The following SPATS2 variants were observed in gnomAD, a reference collection of about 807,000 sequenced individuals.
The protein encoded by SPATS2 is spermatogenesis associated serine rich 2.
In SPATS2, 38 loss-of-function variants were observed where a neutral mutation model predicts 63.7. The observed-to-expected ratio is 0.60, with a 90% CI of 0.46 to 0.78. The LOEUF is 0.78. Among genes scored for constraint, SPATS2 ranks in the 30% least tolerant of loss-of-function variants. The pLI, the probability that SPATS2 is intolerant of heterozygous loss-of-function variation, is 0.00. For synonymous variants in SPATS2, 207 were observed against 232.9 expected (o/e 0.89, Z 1.01); for missense variants, 588 against 666.2 (o/e 0.88, Z 1.29).
At chr12:49,515,614 T>A (rs1946824964) in intron 10 of SPATS2, among the ~76,000 whole-genome samples, 1 of 152,248 alleles carries the variant, frequency 6.6e-6, no homozygotes, top group Admixed American at 6.5e-5. Context: ...ATATTTTGAG[T>A]TTCTAAATTT....
Position 49,412,767 on chromosome 12 carries a change from C to G in SPATS2, c.-244+41477C>G, listed in dbSNP as rs1944820037. Among the ~76,000 whole-genome samples, 7 of 150,870 alleles carry G rather than the reference C, an allele frequency of 4.6e-5. No individual in the cohort carries two copies. The South Asian group carries it at 1.3e-3, about 27-fold the overall frequency. On this transcript the variant is annotated intron_variant, in intron 2 of 13. Transcript: ENST00000552918. Reference sequence around the variant, plus strand: ...CGCTCATTCTAAAAAAAAAAAAATTCAAATAGTGTTTGAAGTTAGATAATA... The same window carrying G: ...CGCTCATTCTAAAAAAAAAAAAATTGAAATAGTGTTTGAAGTTAGATAATA...
At chr12:49,516,166 A>T (rs868609884) in intron 10 of SPATS2, among the ~76,000 whole-genome samples, 4 of 30,824 alleles carry the variant, frequency 1.3e-4, no homozygotes, top group African/African-American at 4.4e-4. Flanking sequence ...AAAAAAAAAA[A>T]ATATATATAT....
At chr12:49,389,587 T>G (rs1944383693) in intron 2 of SPATS2, 7 of 1,056,910 alleles carry the variant, frequency 6.6e-6, no homozygotes, top group Non-Finnish European at 1.0e-5. Flanking sequence ...ATCACGACGA[T>G]GCAGCAGAAA....
intron 2 of SPATS2, among the ~76,000 whole-genome samples, chr12:49,381,916 T>A (rs1335257824): frequency 2.0e-5 from 3 of 152,196 alleles, no homozygotes; most frequent in Non-Finnish European, 4.4e-5. Context: ...TATATCGTGA[T>A]TTGGAGTGAG....
intron 4 of SPATS2, among the ~76,000 whole-genome samples, chr12:49,486,526 A>AT (rs1946297100): frequency 6.6e-6 from 1 of 152,134 alleles, no homozygotes; most frequent in Non-Finnish European, 1.5e-5. Context: ...CTAAACTTCC[A>AT]TTTTTTAGGG....
intron 2 of SPATS2, among the ~76,000 whole-genome samples, chr12:49,429,786 C>CTTT (rs113979672): frequency 2.4e-5 from 3 of 126,556 alleles, no homozygotes; most frequent in South Asian, 2.5e-4. Context: ...TCTTCTTCTT[C>CTTT]TTTTTTTTTT....
intron 10 of SPATS2, among the ~76,000 whole-genome samples, chr12:49,517,993 C>T (rs1165165455): frequency 1.3e-5 from 2 of 152,180 alleles, no homozygotes; most frequent in African/African-American, 4.8e-5. Context: ...ATGTTCACCA[C>T]CTCCTCAATA....
chr12:49,457,278 C>T (rs374646903), intron 2 of SPATS2, among the ~76,000 whole-genome samples: 2 of 152,024 alleles, frequency 1.3e-5, no homozygotes, highest in Admixed American at 1.3e-4. Flanking sequence ...GCTGCTATGT[C>T]ATTTTTATTT....
At chr12:49,380,756 T>C (rs1358172104) in intron 2 of SPATS2, among the ~76,000 whole-genome samples, 2 of 152,058 alleles carry the variant, frequency 1.3e-5, no homozygotes, top group Admixed American at 1.3e-4. Context: ...GTTGTGTCTT[T>C]TCCACCTTTG....
At position 49,449,247 on chromosome 12, in the gene SPATS2, G is replaced by A. The variant is rs575530264; in HGVS notation, c.-243-11523G>A. 2.8e-4 allele frequency among the ~76,000 whole-genome samples: 43 copies of A among 152,146 alleles called. No homozygotes were observed. In the East Asian group the frequency reaches 3.5e-3, roughly 12 times the overall value. ...TGTTTGTTTTCTGAGGCAGAGTCTC[G>A]CTCTGTCGCCCAAGCTGGAGTGCAG... On this transcript the variant is annotated intron_variant, in intron 2 of 13. Coordinates refer to ENST00000552918, the MANE Select transcript of SPATS2 (RefSeq NM_023071.4).
Position 49,500,087 on chromosome 12 carries a change from T to C in SPATS2, c.721T>C (p.Ser241Pro), listed in dbSNP as rs753435362. ...SKKLSSNIEK[S>P]VKDLQRCTVS... is the part of the protein sequence containing the mutation. ...TCCCCAAGGTTCCAATATTGAAAAA[T>C]CTGTAAAAGACCTCCAGCGCTGCAC... Residue 241 changes from serine to proline, a missense_variant, in exon 9 of 14, where the codon TCT becomes CCT. By Grantham distance (74) the Ser-to-Pro change is moderately conservative. Coordinates refer to ENST00000552918, the MANE Select transcript of SPATS2 (RefSeq NM_023071.4). The C allele has an allele frequency of 5.4e-6, 8 of 1,477,646 alleles. No individual in the cohort carries two copies. In the East Asian group the frequency reaches 2.0e-4, roughly 37 times the overall value. The allele number at this position is 1,477,646 out of a possible 1,614,324, so 91.5% of individuals were successfully genotyped here.
intron 2 of SPATS2, among the ~76,000 whole-genome samples, chr12:49,431,273 G>A (rs1211005015): frequency 6.6e-6 from 1 of 151,568 alleles, no homozygotes; most frequent in Non-Finnish European, 1.5e-5. Context: ...TTTTAAGGTG[G>A]AGCCTCGCTC....
chr12:49,377,346 C>T (rs1294637970), intron 2 of SPATS2, among the ~76,000 whole-genome samples: 2 of 152,100 alleles, frequency 1.3e-5, no homozygotes, highest in Non-Finnish European at 2.9e-5. Context: ...TGCGTAACAA[C>T]GACTACTAAA....
intron 2 of SPATS2, among the ~76,000 whole-genome samples, chr12:49,436,673 A>C (rs1945302743): frequency 8.5e-6 from 1 of 117,102 alleles, no homozygotes. Context: ...TCTTCCCAGT[A>C]GGGGCGGCCG....
chr12:49,462,415 G>T, intron 3 of SPATS2: 1 of 702,394 alleles, frequency 1.4e-6, no homozygotes, highest in Non-Finnish European at 2.6e-6. Flanking sequence ...GACCCCCGAA[G>T]CTCCAGAGGG....
intron 3 of SPATS2, among the ~76,000 whole-genome samples, chr12:49,474,477 G>A (rs1470171193): frequency 6.6e-6 from 1 of 152,190 alleles, no homozygotes; most frequent in African/African-American, 2.4e-5. Context: ...TTTGAAGCAA[G>A]GTAGATGGGT....
At chr12:49,408,186 T>C (rs1475153833) in intron 2 of SPATS2, among the ~76,000 whole-genome samples, 1 of 152,188 alleles carries the variant, frequency 6.6e-6, no homozygotes, top group Non-Finnish European at 1.5e-5. Context: ...TAGCCATTAC[T>C]ACCTGATAGC....
intron 2 of SPATS2, among the ~76,000 whole-genome samples, chr12:49,459,106 A>G (rs1214814257): frequency 1.3e-5 from 2 of 152,162 alleles, no homozygotes; most frequent in Admixed American, 1.3e-4. Context: ...AAAGGGAAGA[A>G]AGTTTCGTAA....
intron 8 of SPATS2, 77 bp downstream of exon 8, chr12:49,497,086 C>T: frequency 1.4e-6 from 2 of 1,393,302 alleles, no homozygotes; most frequent in Non-Finnish European, 9.7e-7. Context: ...ATCTCTGTTG[C>T]CATAAATAAG....
Sources: gnomAD v4.1 joint callset for allele counts (sites outside exome capture counted in the v4.1 genomes callset) on GRCh38, gnomAD v4.1.1 for gene constraint, MANE v1.5 for transcripts, NCBI Gene and HGNC (gene_info 2026-07-23, HGNC 2026-07-21) for gene names.